Variants in B3GNT2 observed in about 807,000 individuals in gnomAD.
The protein encoded by B3GNT2 is UDP-GlcNAc:betaGal beta-1,3-N-acetylglucosaminyltransferase 2, also known as N-acetyllactosaminide beta-1,3-N-acetylglucosaminyltransferase 2.
B3GNT2 carries 12 observed loss-of-function variants against 27.6 expected under a neutral mutation model. The ratio of observed to expected loss-of-function variants is 0.44; its 90% CI spans 0.28 to 0.71. B3GNT2 has a LOEUF of 0.71. Among genes scored for constraint, B3GNT2 ranks in the 30% least tolerant of loss-of-function variants. B3GNT2 has a pLI of 0.17. For synonymous variants in B3GNT2, 192 were observed against 189.7 expected (o/e 1.01, Z -0.10); for missense variants, 413 against 488.5 (o/e 0.85, Z 1.46).
intron 1 of B3GNT2, among the ~76,000 whole-genome samples, chr2:62,209,422 G>A (rs1674439223): frequency 6.6e-6 from 1 of 152,060 alleles, no homozygotes; most frequent in Non-Finnish European, 1.5e-5. Flanking sequence ...GCTTCTTTCT[G>A]GTAATGAAAT....
intron 1 of B3GNT2, among the ~76,000 whole-genome samples, chr2:62,216,946 G>A (rs1025207175): frequency 3.3e-5 from 5 of 152,190 alleles, no homozygotes; most frequent in South Asian, 2.1e-4. Context: ...AGGCCTGGGC[G>A]CAAGCCCTGA....
chr2:62,209,621 C>T (rs933987645), intron 1 of B3GNT2, among the ~76,000 whole-genome samples: 5 of 152,210 alleles, frequency 3.3e-5, no homozygotes, highest in Non-Finnish European at 5.9e-5. Flanking sequence ...ACCCTTTACC[C>T]GCCCCCACGC....
chr2:62,220,350 A>G (rs1039887520), intron 1 of B3GNT2, among the ~76,000 whole-genome samples: 14 of 152,258 alleles, frequency 9.2e-5, no homozygotes, highest in Admixed American at 2.6e-4. Flanking sequence ...TTTCAGCAGT[A>G]GTAAATACAA....
At chr2:62,206,951 T>C (rs964727145) in intron 1 of B3GNT2, among the ~76,000 whole-genome samples, 6 of 152,320 alleles carry the variant, frequency 3.9e-5, no homozygotes, top group Admixed American at 2.0e-4. Context: ...ACCAAGAAAT[T>C]GAGACTTCCC....
At chr2:62,203,702 G>A (rs530584821) in intron 1 of B3GNT2, among the ~76,000 whole-genome samples, 2 of 152,242 alleles carry the variant, frequency 1.3e-5, no homozygotes, top group Admixed American at 6.5e-5. Context: ...GAAGATGGGG[G>A]AAACAGTGGA....
intron 1 of B3GNT2, among the ~76,000 whole-genome samples, chr2:62,202,022 A>C (rs112039610): frequency 1.3e-5 from 2 of 152,230 alleles, no homozygotes; most frequent in African/African-American, 4.8e-5. Context: ...TCCAGATTAC[A>C]GTAGCCAACA....
At position 62,223,005 on chromosome 2, in the gene B3GNT2, T is replaced by G. The variant is rs1312689545; in HGVS notation, c.785T>G (p.Leu262Ter). 6.2e-7 allele frequency: 1 copy of G among 1,614,254 alleles called. No individual in the cohort carries two copies. The highest frequency in any genetic ancestry group is 8.5e-7 in the Non-Finnish European group (1 of 1,180,050). ...THHILNYLNS[L>*]SKTKAKDLFI... ...CACATCCTGAATTACTTGAATAGTT[T>G]ATCCAAGACCAAAGCCAAAGATCTC... Residue 262 changes from leucine (L) to a stop codon, truncating the protein, a stop_gained, in exon 2 of 2, where the codon TTA becomes TGA. Coordinates refer to ENST00000301998, the MANE Select transcript of B3GNT2 (RefSeq NM_006577.6). LOFTEE classifies it high-confidence loss of function.
chr2:62,212,635 G>A (rs931814091), intron 1 of B3GNT2, among the ~76,000 whole-genome samples: 3 of 151,632 alleles, frequency 2.0e-5, no homozygotes, highest in African/African-American at 7.3e-5. Flanking sequence ...CTTGGTGACT[G>A]TGGGGGATCT....
chr2:62,215,060 A>G (rs1460978451), intron 1 of B3GNT2, among the ~76,000 whole-genome samples: 1 of 152,174 alleles, frequency 6.6e-6, no homozygotes, highest in Non-Finnish European at 1.5e-5. Flanking sequence ...AATGATGAAT[A>G]TCATTTGAGA....
intron 1 of B3GNT2, among the ~76,000 whole-genome samples, chr2:62,216,862 G>C (rs1053951857): frequency 6.6e-6 from 1 of 152,246 alleles, no homozygotes; most frequent in South Asian, 2.1e-4. Context: ...GTCCACGTGA[G>C]TCACTGTCTG....
At chr2:62,219,285 A>C (rs1674636497) in intron 1 of B3GNT2, among the ~76,000 whole-genome samples, 2 of 152,170 alleles carry the variant, frequency 1.3e-5, no homozygotes, top group Admixed American at 6.5e-5. Context: ...TTACTGAGTT[A>C]AATTTTTGCC....
At chr2:62,198,287 C>T (rs1346410230) in intron 1 of B3GNT2, among the ~76,000 whole-genome samples, 1 of 152,170 alleles carries the variant, frequency 6.6e-6, no homozygotes, top group African/African-American at 2.4e-5. Context: ...TTCACCTGAG[C>T]CTCATTTTAC....
At chr2:62,217,449 T>G (rs990954821) in intron 1 of B3GNT2, among the ~76,000 whole-genome samples, 2 of 152,226 alleles carry the variant, frequency 1.3e-5, no homozygotes, top group Non-Finnish European at 2.9e-5. Context: ...GGATTGCTGG[T>G]GCTTGGTACA....
chr2:62,218,678 G>T (rs536867888), intron 1 of B3GNT2, among the ~76,000 whole-genome samples: 3 of 152,322 alleles, frequency 2.0e-5, no homozygotes, highest in African/African-American at 7.2e-5. Context: ...TCTTGTCTAA[G>T]CCTTGTCACG....
At chr2:62,215,493 A>G (rs1286019854) in intron 1 of B3GNT2, 2 of 152,326 alleles carry the variant, frequency 1.3e-5, no homozygotes, top group Non-Finnish European at 2.9e-5. Flanking sequence ...ATCTGCCAGC[A>G]GTGCTGGGAG....
chr2:62,217,173 T>C (rs184278321), intron 1 of B3GNT2, among the ~76,000 whole-genome samples: 1 of 152,328 alleles, frequency 6.6e-6, no homozygotes, highest in East Asian at 1.9e-4. Context: ...AAAAAGTTAC[T>C]TTAAGAAGAT....
rs1273188423 is a variant in B3GNT2, at chr2:62,223,273, A to G, written c.1053A>G (p.Lys351=). 3 of 1,614,104 alleles carry G rather than the reference A, an allele frequency of 1.9e-6. No individual in the cohort carries two copies. The highest frequency in any genetic ancestry group is 2.5e-6 in the Non-Finnish European group (3 of 1,180,044). ...QKLGLVPEKH[K]GFRTFDIEEK... ...TCGGCCTCGTTCCAGAGAAACACAA[A>G]GGCTTCAGGACATTTGATATCGAGG... Residue 351 remains lysine, a synonymous_variant, in exon 2 of 2, where the codon AAA becomes AAG. Transcript: ENST00000301998.
intron 1 of B3GNT2, among the ~76,000 whole-genome samples, chr2:62,207,187 T>G (rs1171666756): frequency 2.7e-5 from 4 of 146,028 alleles, no homozygotes; most frequent in Non-Finnish European, 6.1e-5. Context: ...TACAGTTTTG[T>G]TTTTTTTTTT....
intron 1 of B3GNT2, among the ~76,000 whole-genome samples, chr2:62,197,254 G>T (rs1245508880): frequency 6.6e-6 from 1 of 152,148 alleles, no homozygotes; most frequent in East Asian, 1.9e-4. Context: ...GGACCCTTCT[G>T]GAGGCAATAA....
Sources: allele counts gnomAD v4.1 joint callset (sites outside exome capture counted in the v4.1 genomes callset), GRCh38; gene constraint gnomAD v4.1.1; transcripts MANE v1.5; gene names NCBI Gene and HGNC (gene_info 2026-07-23, HGNC 2026-07-21).